Variants in NFKBIZ observed in about 807,000 individuals in gnomAD.
The protein encoded by NFKBIZ is NFKB inhibitor zeta.
A neutral mutation model predicts 76.8 loss-of-function variants in NFKBIZ; 19 were observed. The observed-to-expected ratio is 0.25, with a 90% CI of 0.17 to 0.36. The LOEUF (loss-of-function observed/expected upper bound fraction) is 0.36. NFKBIZ is among the 10% of genes least tolerant of loss of function. The pLI is 1.00. For synonymous variants in NFKBIZ, 368 were observed against 354.8 expected, an observed-to-expected ratio of 1.04 and a Z score of -0.42; for missense variants, 829 against 910.9, an observed-to-expected ratio of 0.91 and a Z score of 1.16.
intron 2 of NFKBIZ, among the ~76,000 whole-genome samples, chr3:101,842,367 A>G (rs1353386286): frequency 6.6e-6 from 1 of 152,180 alleles, no homozygotes; most frequent in African/African-American, 2.4e-5. Context: ...GGACTTGGAC[A>G]TCTGTCATTC....
At chr3:101,856,219 T>A (rs1178647606) in intron 9 of NFKBIZ, among the ~76,000 whole-genome samples, 5 of 152,030 alleles carry the variant, frequency 3.3e-5, no homozygotes, top group Admixed American at 1.3e-4. Flanking sequence ...CCCAGCTAAT[T>A]TTTTGTATTT....
At chr3:101,839,449 T>A (rs1942761635) in intron 2 of NFKBIZ, among the ~76,000 whole-genome samples, 1 of 152,168 alleles carries the variant, frequency 6.6e-6, no homozygotes, top group Non-Finnish European at 1.5e-5. Flanking sequence ...TAAATTCTAA[T>A]CAACATGTTT....
chr3:101,838,863 G>A (rs1247071181), intron 2 of NFKBIZ, among the ~76,000 whole-genome samples: 1 of 152,122 alleles, frequency 6.6e-6, no homozygotes, highest in Non-Finnish European at 1.5e-5. Context: ...TATGCATTGT[G>A]TTTGGCAAGA....
Position 101,860,146 on chromosome 3 carries a change from T to C in NFKBIZ, c.*775T>C, listed in dbSNP as rs979883403. On this transcript the variant is annotated 3_prime_UTR_variant, in exon 12 of 12. Transcript: ENST00000326172. Reference sequence around the variant, plus strand: ...TTGTAAAGATGCTTTTTCTCATGCATTGAAATTATACATTATTTGTAGGGA... The same window carrying C: ...TTGTAAAGATGCTTTTTCTCATGCACTGAAATTATACATTATTTGTAGGGA... The C allele has an allele frequency of 1.3e-5, 2 of 152,108 alleles. No homozygotes were observed. Among genetic ancestry groups the C allele is most frequent in the Non-Finnish European group, 2.9e-5 (2 of 68,020 alleles). The allele number at this position is 152,108 out of a possible 1,614,324, so 9.4% of individuals were successfully genotyped here.
upstream of NFKBIZ, among the ~76,000 whole-genome samples, chr3:101,847,827 T>C (rs1175528668): frequency 6.6e-6 from 1 of 151,078 alleles, no homozygotes; most frequent in Non-Finnish European, 1.5e-5. Flanking sequence ...TGCCACCTAC[T>C]AATACTGAGT....
chr3:101,832,517 A>G (rs2107392994), intron 2 of NFKBIZ, among the ~76,000 whole-genome samples: 1 of 152,250 alleles, frequency 6.6e-6, no homozygotes, highest in Non-Finnish European at 1.5e-5. Flanking sequence ...TTTTGTCTCT[A>G]TGAATTTGAT....
At chr3:101,852,841 T>G in intron 3 of NFKBIZ, 45 bp from the exon 4 acceptor site, 2 of 1,603,664 alleles carry the variant, frequency 1.2e-6, no homozygotes, top group Non-Finnish European at 1.7e-6. Flanking sequence ...TGGGTAACAT[T>G]TATAAAATAA....
chr3:101,829,276 G>A (rs1480193505), intron 1 of NFKBIZ, among the ~76,000 whole-genome samples: 1 of 152,216 alleles, frequency 6.6e-6, no homozygotes, highest in East Asian at 1.9e-4. Context: ...CATGACATCA[G>A]TGCACAGTGC....
At chr3:101,859,230 G>A in intron 11 of NFKBIZ, 88 bp from the exon 12 acceptor site, 10 of 958,620 alleles carry the variant, frequency 1.0e-5, no homozygotes, top group South Asian at 9.2e-5. Flanking sequence ...AGTGTAGATG[G>A]TATAAGAAAG....
At chr3:101,828,152 G>A (rs905570901) in exon 1 of NFKBIZ, 1 of 152,046 alleles carries the variant, frequency 6.6e-6, no homozygotes, top group East Asian at 1.9e-4. Context: ...TTGCTCTTAC[G>A]TATTTGTGTG....
rs1942995946 is a variant in NFKBIZ at position 101,853,148 on chromosome 3, C to T, written c.622C>T (p.Pro208Ser). The change falls in exon 5 of 12, where the codon CCC (proline) becomes TCC (serine). Residue 208 changes from proline (P) to serine (S), a missense_variant. Pro to Ser is a moderately conservative substitution (Grantham distance 74, BLOSUM62 -1). Transcript: ENST00000326172. ...CATGGAAGATGTTCATCTCAATGAA[C>T]CCAAACAGGAGAGCAGTGCTGATCT... is the stretch of plus-strand genomic sequence containing the variant. ...ESMEDVHLNE[P>S]KQESSADLLQ... The T allele has an allele frequency of 6.2e-7, 1 of 1,614,158 alleles. No homozygotes were observed. The highest frequency in any genetic ancestry group is 8.5e-7 in the Non-Finnish European group (1 of 1,180,028).
chr3:101,834,324 C>T (rs1202772103), intron 2 of NFKBIZ, among the ~76,000 whole-genome samples: 1 of 151,330 alleles, frequency 6.6e-6, no homozygotes, highest in East Asian at 1.9e-4. Flanking sequence ...TTCTCTCTCT[C>T]TCTCCTTCTC....
intron 5 of NFKBIZ, among the ~76,000 whole-genome samples, chr3:101,854,188 G>C (rs374834283): frequency 3.3e-5 from 5 of 152,302 alleles, no homozygotes; most frequent in African/African-American, 1.2e-4. Flanking sequence ...GATAAACTGT[G>C]AGTTGGTTTG....
intron 11 of NFKBIZ, 36 bp downstream of exon 11, chr3:101,857,495 G>A: frequency 8.7e-6 from 14 of 1,611,472 alleles, no homozygotes; most frequent in Non-Finnish European, 1.2e-5. Flanking sequence ...GTATTTTTTG[G>A]CACTGCAGTC....
At chr3:101,830,269 C>A (rs1414890432) in intron 2 of NFKBIZ, among the ~76,000 whole-genome samples, 1 of 152,214 alleles carries the variant, frequency 6.6e-6, no homozygotes, top group Non-Finnish European at 1.5e-5. Flanking sequence ...AGCAAGATCT[C>A]ATTTAGCCCT....
chr3:101,828,815 A>G (rs1942598497), intron 1 of NFKBIZ, among the ~76,000 whole-genome samples: 2 of 152,236 alleles, frequency 1.3e-5, no homozygotes, highest in East Asian at 3.8e-4. Context: ...AGAATGGATT[A>G]GAGATTCTCT....
Position 101,854,771 on chromosome 3 carries a change from G to A in NFKBIZ, c.1443+88G>A, listed in dbSNP as rs1943024662. 5 of 891,576 alleles carry A rather than the reference G, an allele frequency of 5.6e-6. No individual in the cohort carries two copies. The Admixed American group carries it at 1.2e-4, about 22-fold the overall frequency. The allele number at this position is 891,576 out of a possible 1,614,324, so 55.2% of individuals were successfully genotyped here. ...AGCCTTATGTGTAGATCATCTTAGA[G>A]CTCAAGATCAAGAGAGTTTAGTTAA... On this transcript the variant is annotated intron_variant, in intron 6 of 11. Transcript: ENST00000326172.
intron 2 of NFKBIZ, among the ~76,000 whole-genome samples, chr3:101,830,953 C>G (rs960122985): frequency 6.6e-6 from 1 of 152,216 alleles, no homozygotes; most frequent in Non-Finnish European, 1.5e-5. Context: ...GATGTTATAT[C>G]TATAAAATGC....
chr3:101,837,491 CAA>C (rs10713154), intron 2 of NFKBIZ, among the ~76,000 whole-genome samples: 265 of 93,106 alleles, frequency 2.8e-3, no homozygotes, highest in African/African-American at 5.4e-3. Context: ...GATCCTGTCT[CAA>C]AAAAAAAAAA....
Sources: gnomAD v4.1 joint callset for allele counts (sites outside exome capture counted in the v4.1 genomes callset) on GRCh38, gnomAD v4.1.1 for gene constraint, MANE v1.5 for transcripts, NCBI Gene and HGNC (gene_info 2026-07-23, HGNC 2026-07-21) for gene names.